The following MKLN1 variants were observed in gnomAD, a reference collection of about 807,000 sequenced individuals.
MKLN1 encodes muskelin.
In MKLN1, 18 loss-of-function variants were observed where a neutral mutation model predicts 99.0. That is an observed-to-expected ratio of 0.18 (90% CI 0.13 to 0.27). MKLN1 has a LOEUF of 0.27. MKLN1 is among the 10% of genes least tolerant of loss of function. MKLN1 has a pLI of 1.00. For synonymous variants in MKLN1, 288 were observed against 293.2 expected, an observed-to-expected ratio of 0.98 and a Z score of 0.18; for missense variants, 621 against 875.9, an observed-to-expected ratio of 0.71 and a Z score of 3.67.
chr7:131,432,553 T>C (rs1024538075), intron 9 of MKLN1, among the ~76,000 whole-genome samples: 2 of 152,150 alleles, frequency 1.3e-5, no homozygotes, highest in African/African-American at 4.8e-5. Context: ...GTTCAAGCAA[T>C]TCTCCTGCCT....
intron 1 of MKLN1, among the ~76,000 whole-genome samples, chr7:131,353,481 T>G (rs1799779588): frequency 6.6e-6 from 1 of 152,064 alleles, no homozygotes; most frequent in Non-Finnish European, 1.5e-5. Flanking sequence ...TTTGTATGTT[T>G]TAGGTGTATG....
chr7:131,131,127 G>A (rs538544756), intron 1 of MKLN1, among the ~76,000 whole-genome samples: 20 of 150,540 alleles, frequency 1.3e-4, no homozygotes, highest in African/African-American at 4.9e-4. Flanking sequence ...AAGCCAAGGT[G>A]GGAGGATCGC....
chr7:131,222,566 T>C (rs1246008056), intron 3 of MKLN1, among the ~76,000 whole-genome samples: 1 of 152,142 alleles, frequency 6.6e-6, no homozygotes, highest in East Asian at 1.9e-4. Flanking sequence ...TTGGGCAGTG[T>C]GTGTATTCCT....
At chr7:131,445,726 A>G (rs750945645) in intron 11 of MKLN1, 48 bp from the exon 12 acceptor site, 1 of 1,506,828 alleles carries the variant, frequency 6.6e-7, no homozygotes, top group South Asian at 1.2e-5. Context: ...TGAGTTCTTC[A>G]TGGAAGTGAT....
At chr7:131,323,044 C>CTAG (rs1300594973), upstream of MKLN1, among the ~76,000 whole-genome samples, 12 of 152,306 alleles carry the variant, frequency 7.9e-5, no homozygotes, top group East Asian at 2.1e-3. Context: ...CAGACCATAT[C>CTAG]ACAGTGTCAT....
intron 1 of MKLN1, among the ~76,000 whole-genome samples, chr7:131,110,614 C>T (rs1221327763): frequency 6.6e-6 from 1 of 152,186 alleles, no homozygotes; most frequent in East Asian, 1.9e-4. Context: ...GAAACCTGCC[C>T]AACCTCACTT....
rs183532496 is a variant in MKLN1 at position 131,116,068 on chromosome 7, T to G, written c.-419+5861T>G. On this transcript the variant is annotated intron_variant, in intron 1 of 7. Coordinates refer to the MKLN1 transcript ENST00000416992. ...CGCCTGTAATCCCAGCACTTTGGGA[T>G]GCCGAGGCGGGCAGATCACGAGGTC... Among the ~76,000 whole-genome samples, 1,045 of 152,016 alleles carry G rather than the reference T, an allele frequency of 6.9e-3. 7 individuals carry two copies. The highest frequency in any genetic ancestry group is 0.017 in the African/African-American group (706 of 41,402).
intron 1 of MKLN1, among the ~76,000 whole-genome samples, chr7:131,348,943 A>G (rs1401708983): frequency 6.6e-6 from 1 of 152,166 alleles, no homozygotes; most frequent in Non-Finnish European, 1.5e-5. Context: ...TTTCTCATAC[A>G]AAATGAGGGA....
intron 9 of MKLN1, among the ~76,000 whole-genome samples, chr7:131,432,823 T>C (rs1053726428): frequency 6.6e-6 from 1 of 152,222 alleles, no homozygotes; most frequent in African/African-American, 2.4e-5. Flanking sequence ...TTCATATGCT[T>C]CTTTATTCAG....
At chr7:131,440,530 A>G (rs117851155) in intron 10 of MKLN1, among the ~76,000 whole-genome samples, 3,950 of 152,338 alleles carry the variant, frequency 0.026, 68 homozygotes, top group Non-Finnish European at 0.042. Flanking sequence ...CATTCTAAAG[A>G]AAAACAATAA....
At chr7:131,132,319 T>C (rs1486058067) in intron 1 of MKLN1, among the ~76,000 whole-genome samples, 2 of 152,190 alleles carry the variant, frequency 1.3e-5, no homozygotes, top group South Asian at 2.1e-4. Context: ...TTCTAACTGC[T>C]TATACCAGAT....
intron 3 of MKLN1, among the ~76,000 whole-genome samples, chr7:131,276,894 C>G (rs1311087301): frequency 6.6e-6 from 1 of 152,136 alleles, no homozygotes; most frequent in East Asian, 1.9e-4. Flanking sequence ...GATGTGGTTG[C>G]TGATCAGTAG....
intron 2 of MKLN1, among the ~76,000 whole-genome samples, chr7:131,172,778 A>G (rs1419974687): frequency 6.6e-6 from 1 of 152,260 alleles, no homozygotes; most frequent in Non-Finnish European, 1.5e-5. Flanking sequence ...GGACTTTTCA[A>G]GAAACACTGA....
At chr7:131,158,462 T>C (rs1443541373) in intron 2 of MKLN1, among the ~76,000 whole-genome samples, 1 of 152,072 alleles carries the variant, frequency 6.6e-6, no homozygotes, top group Non-Finnish European at 1.5e-5. Context: ...ACAAACTTCT[T>C]ATTAACCTGT....
chr7:131,213,946 A>G (rs564532885), intron 3 of MKLN1, among the ~76,000 whole-genome samples: 205 of 152,194 alleles, frequency 1.3e-3, no homozygotes, highest in Non-Finnish European at 2.6e-3. Context: ...AAATGTATCC[A>G]TATTTTCCTT....
chr7:131,202,496 ACCT>A (rs1796745744), intron 2 of MKLN1, among the ~76,000 whole-genome samples: 1 of 151,940 alleles, frequency 6.6e-6, no homozygotes, highest in Non-Finnish European at 1.5e-5. Flanking sequence ...GCATAGCCTC[ACCT>A]CCTTATGCGC....
intron 1 of MKLN1, among the ~76,000 whole-genome samples, chr7:131,354,183 A>G (rs1306552817): frequency 6.6e-6 from 1 of 152,136 alleles, no homozygotes; most frequent in Non-Finnish European, 1.5e-5. Flanking sequence ...GGATTTTGAT[A>G]GGAATTACAT....
chr7:131,328,289 G>T, intron 1 of MKLN1: 1 of 377,882 alleles, frequency 2.6e-6, no homozygotes, highest in Non-Finnish European at 4.9e-6. Context: ...TTTGGGGGTT[G>T]AGGTTGAGGA....
chr7:131,430,466 A>C (rs1246410956), intron 9 of MKLN1, among the ~76,000 whole-genome samples: 1 of 152,220 alleles, frequency 6.6e-6, no homozygotes, highest in African/African-American at 2.4e-5. Context: ...TAAATTAAAA[A>C]AAAAACTAAC....
Sources: allele counts gnomAD v4.1 joint callset (sites outside exome capture counted in the v4.1 genomes callset), GRCh38; gene constraint gnomAD v4.1.1; transcripts MANE v1.5; gene names NCBI Gene and HGNC (gene_info 2026-07-23, HGNC 2026-07-21).